Variants in KPNA6 observed in about 807,000 individuals in gnomAD.
KPNA6 encodes karyopherin subunit alpha 6.
KPNA6 carries 9 observed loss-of-function variants against 72.0 expected under a neutral mutation model. The ratio of observed to expected loss-of-function variants is 0.13; its 90% CI spans 0.08 to 0.22. The LOEUF is 0.22. KPNA6 is among the 10% of genes least tolerant of loss of function. KPNA6 has a pLI of 1.00. For synonymous variants in KPNA6, 219 were observed against 242.1 expected, an observed-to-expected ratio of 0.90 and a Z score of 0.89; for missense variants, 374 against 655.7, an observed-to-expected ratio of 0.57 and a Z score of 4.69.
At chr1:32,120,247 ATT>A (rs1430437938) in intron 1 of KPNA6, among the ~76,000 whole-genome samples, 9 of 141,698 alleles carry the variant, frequency 6.4e-5, no homozygotes, top group Admixed American at 7.1e-5. Flanking sequence ...TTAAATGTTA[ATT>A]TTTTTTTTTT....
chr1:32,143,850 T>G (rs1482763146), intron 1 of KPNA6, among the ~76,000 whole-genome samples: 4 of 152,186 alleles, frequency 2.6e-5, no homozygotes, highest in Non-Finnish European at 5.9e-5. Context: ...ATTTTGTGTC[T>G]TGCTTATTTC....
chr1:32,161,968 A>G lies in KPNA6; in HGVS notation c.669A>G (p.Arg223=). The stretch of plus-strand genomic sequence containing the variant: ...TCAGACTCCTTACCAAGTCCACACG[A>G]CTGACGATGACACGGAATGCAGTCT... ...PLLTLLTKST[R]LTMTRNAVWA... Residue 223 remains arginine (R), a synonymous_variant, in exon 8 of 14, where the codon CGA becomes CGG. Coordinates refer to ENST00000373625, the MANE Select transcript of KPNA6 (RefSeq NM_012316.5). 1 of 1,614,078 alleles carries G rather than the reference A, an allele frequency of 6.2e-7. No individual in the cohort carries two copies. Among genetic ancestry groups the G allele is most frequent in the Non-Finnish European group, 8.5e-7 (1 of 1,180,012 alleles).
intron 1 of KPNA6, among the ~76,000 whole-genome samples, chr1:32,134,319 G>A (rs1490699288): frequency 6.6e-6 from 1 of 151,210 alleles, no homozygotes; most frequent in African/African-American, 2.4e-5. Context: ...GAGAAATTAA[G>A]ATATTTCCAG....
At chr1:32,144,047 T>A (rs1641887929) in intron 1 of KPNA6, among the ~76,000 whole-genome samples, 1 of 152,188 alleles carries the variant, frequency 6.6e-6, no homozygotes, top group Non-Finnish European at 1.5e-5. Flanking sequence ...ATATACTATA[T>A]TATTTCCTAT....
chr1:32,154,747 CA>C, intron 2 of KPNA6, 26 bp downstream of exon 2: 1 of 1,612,330 alleles, frequency 6.2e-7, no homozygotes, highest in Non-Finnish European at 8.5e-7. Context: ...TATTCTCAAA[CA>C]TACTATTCTG....
At chr1:32,120,757 G>A (rs554804689) in intron 1 of KPNA6, among the ~76,000 whole-genome samples, 24 of 151,896 alleles carry the variant, frequency 1.6e-4, no homozygotes, top group Non-Finnish European at 2.6e-4. Flanking sequence ...TAGTAGAGAC[G>A]GGGTTTCGCC....
chr1:32,142,457 A>G (rs1641856851), intron 1 of KPNA6, among the ~76,000 whole-genome samples: 1 of 152,054 alleles, frequency 6.6e-6, no homozygotes, highest in Admixed American at 6.6e-5. Flanking sequence ...ATCTTCAAAT[A>G]TAGACGCGTT....
chr1:32,134,715 C>G (rs1255821040), intron 1 of KPNA6, among the ~76,000 whole-genome samples: 3 of 151,094 alleles, frequency 2.0e-5, no homozygotes, highest in African/African-American at 7.3e-5. Flanking sequence ...AATCATTATG[C>G]TAAGTGAAAG....
chr1:32,125,548 G>A (rs901091784), intron 1 of KPNA6, among the ~76,000 whole-genome samples: 6 of 152,162 alleles, frequency 3.9e-5, no homozygotes, highest in African/African-American at 1.4e-4. Flanking sequence ...CATATATTTT[G>A]GCTGCCTTCC....
At position 32,173,223 on chromosome 1, in the gene KPNA6, G is replaced by A; in HGVS notation, c.*2329G>A. The A allele has an allele frequency of 2.6e-6, 1 of 378,944 alleles. No homozygotes were observed. The highest frequency in any genetic ancestry group is 4.6e-6 in the Non-Finnish European group (1 of 219,144). The allele number at this position is 378,944 out of a possible 1,614,324, so 23.5% of individuals were successfully genotyped here. A position where few individuals can be genotyped will look rare whatever the true frequency, so the allele number is the denominator to read the frequency against. On this transcript the variant is annotated 3_prime_UTR_variant, in exon 14 of 14. Coordinates refer to ENST00000373625, the MANE Select transcript of KPNA6 (RefSeq NM_012316.5). ...TTCCCCTACCCAACCTCCGCCCATT[G>A]TTCTCTTCCAAAGGGCAATTTAGTA...
chr1:32,134,410 G>A (rs1303643948), intron 1 of KPNA6, among the ~76,000 whole-genome samples: 1 of 151,982 alleles, frequency 6.6e-6, no homozygotes, highest in Non-Finnish European at 1.5e-5. Flanking sequence ...GGAGGCTGAG[G>A]CAGGAAGATC....
At chr1:32,135,381 A>G (rs1427746490) in intron 1 of KPNA6, among the ~76,000 whole-genome samples, 1 of 151,614 alleles carries the variant, frequency 6.6e-6, no homozygotes, top group Non-Finnish European at 1.5e-5. Flanking sequence ...TATTTTTAGT[A>G]GAGACAGGGT....
intron 1 of KPNA6, among the ~76,000 whole-genome samples, chr1:32,139,647 C>G (rs1346315822): frequency 1.3e-5 from 2 of 152,116 alleles, no homozygotes; most frequent in East Asian, 1.9e-4. Flanking sequence ...GAAAGTATCA[C>G]AAGCAAATAA....
chr1:32,156,762 C>A, intron 2 of KPNA6, 91 bp from the exon 3 acceptor site: 1 of 960,364 alleles, frequency 1.0e-6, no homozygotes, highest in Non-Finnish European at 1.6e-6. Context: ...TCTAGTATAT[C>A]CTTGTCAGTT....
intron 1 of KPNA6, among the ~76,000 whole-genome samples, chr1:32,147,716 G>T (rs1641956218): frequency 7.8e-6 from 1 of 127,728 alleles, no homozygotes; most frequent in South Asian, 2.5e-4. Context: ...CTGGAGTCTA[G>T]TGGTACAACC....
chr1:32,124,507 CTTTTTTT>C (rs562731872), intron 1 of KPNA6, among the ~76,000 whole-genome samples: 2 of 131,596 alleles, frequency 1.5e-5, no homozygotes, highest in Non-Finnish European at 3.3e-5. Flanking sequence ...GAGGCCTCAT[CTTTTTTT>C]TTTTTTTTTT....
intron 1 of KPNA6, among the ~76,000 whole-genome samples, chr1:32,147,752 T>G (rs1250170547): frequency 6.9e-6 from 1 of 145,896 alleles, no homozygotes; most frequent in African/African-American, 2.5e-5. Context: ...TTCAACCTCC[T>G]GGGCTCTGGT....
At chr1:32,141,421 G>A (rs1165993940) in intron 1 of KPNA6, among the ~76,000 whole-genome samples, 5 of 63,180 alleles carry the variant, frequency 7.9e-5, no homozygotes, top group East Asian at 6.6e-4. Flanking sequence ...TTTTTGAGAC[G>A]GAGTCTCACA....
chr1:32,166,898 A>G (rs1343032617), intron 11 of KPNA6, among the ~76,000 whole-genome samples: 3 of 152,180 alleles, frequency 2.0e-5, no homozygotes, highest in African/African-American at 7.2e-5. Flanking sequence ...AGATCGCGCC[A>G]CTGCACTCCA....
Sources: allele counts gnomAD v4.1 joint callset (sites outside exome capture counted in the v4.1 genomes callset), GRCh38; gene constraint gnomAD v4.1.1; transcripts MANE v1.5; gene names NCBI Gene and HGNC (gene_info 2026-07-23, HGNC 2026-07-21).